Variants in DYSF observed in about 807,000 individuals in gnomAD.
DYSF encodes dysferlin, also known as dystrophy-associated fer-1-like 1.
DYSF carries 212 observed loss-of-function variants against 274.9 expected under a neutral mutation model. The observed-to-expected ratio is 0.77, with a 90% CI of 0.69 to 0.86. DYSF has a LOEUF of 0.86. DYSF is among the 40% of genes least tolerant of loss of function. DYSF has a pLI of 0.00. For missense variants in DYSF, 2,666 were observed against 2,783.2 expected (o/e 0.96, Z 0.95); for synonymous variants, 1,091 against 1,078.7 (o/e 1.01, Z -0.22).
chr2:71,601,436 A>G, intron 34 of DYSF, 63 bp from the exon 35 acceptor site: 1 of 1,604,650 alleles, frequency 6.2e-7, no homozygotes, highest in Non-Finnish European at 8.5e-7. Flanking sequence ...CATGAGTGTC[A>G]TGAGGGTGAT....
At chr2:71,467,651 G>A (rs2152645482) in intron 1 of DYSF, among the ~76,000 whole-genome samples, 1 of 152,220 alleles carries the variant, frequency 6.6e-6, no homozygotes, top group South Asian at 2.1e-4. Flanking sequence ...GGGTGTCTCA[G>A]GAGGGGAAAG....
intron 3 of DYSF, among the ~76,000 whole-genome samples, chr2:71,489,062 C>A (rs1017372174): frequency 1.2e-4 from 19 of 152,168 alleles, no homozygotes; most frequent in African/African-American, 4.6e-4. Context: ...CTAGCTGCAA[C>A]ACTCTGTGGC....
intron 24 of DYSF, among the ~76,000 whole-genome samples, chr2:71,565,249 T>C: frequency 7.0e-6 from 1 of 143,156 alleles, no homozygotes; most frequent in South Asian, 2.1e-4. Context: ...CCCAGCTCTT[T>C]TTTTTTTTTT....
intron 12 of DYSF, among the ~76,000 whole-genome samples, chr2:71,523,354 C>T (rs72827528): frequency 0.033 from 5,061 of 152,218 alleles, 109 homozygotes; most frequent in Non-Finnish European, 0.049. Flanking sequence ...CATCTAACTA[C>T]GAGGGAGCCT....
At chr2:71,629,575 C>T (rs1194835915) in intron 41 of DYSF, among the ~76,000 whole-genome samples, 1 of 152,142 alleles carries the variant, frequency 6.6e-6, no homozygotes, top group Non-Finnish European at 1.5e-5. Context: ...TTTACTTTTA[C>T]CAGATGTCTG....
chr2:71,539,382 C>T, intron 17 of DYSF, 143 bp downstream of exon 17: 1 of 742,282 alleles, frequency 1.3e-6, no homozygotes. Flanking sequence ...CTGAGAAGAG[C>T]TCTGGCAATG....
chr2:71,617,828 G>T (rs1256917494), intron 40 of DYSF, among the ~76,000 whole-genome samples: 1 of 129,054 alleles, frequency 7.7e-6, no homozygotes, highest in East Asian at 2.6e-4. Flanking sequence ...GGTAGAGGTG[G>T]GGTATAAGTG....
intron 45 of DYSF, among the ~76,000 whole-genome samples, chr2:71,661,116 CAA>C (rs55761719): frequency 0.016 from 1,410 of 85,916 alleles, 19 homozygotes; most frequent in African/African-American, 0.054. Flanking sequence ...AACCCTGTCT[CAA>C]AAAAAAAAAA....
chr2:71,580,029 ACCAGCAG>A (rs1410449954), intron 30 of DYSF, among the ~76,000 whole-genome samples: 1 of 152,204 alleles, frequency 6.6e-6, no homozygotes, highest in African/African-American at 2.4e-5. Context: ...GTGTCCCCTG[ACCAGCAG>A]CCAAACCCCA....
chr2:71,542,132 C>A (rs567100497), intron 17 of DYSF, among the ~76,000 whole-genome samples: 1 of 152,252 alleles, frequency 6.6e-6, no homozygotes, highest in South Asian at 2.1e-4. Flanking sequence ...CTCCAGTCTC[C>A]GTAAAATGGG....
chr2:71,505,048 G>A (rs1393856393), intron 4 of DYSF, among the ~76,000 whole-genome samples: 1 of 152,230 alleles, frequency 6.6e-6, no homozygotes, highest in Non-Finnish European at 1.5e-5. Flanking sequence ...GACCCTGCTG[G>A]GTTGAGCCCC....
rs116426399 is a variant in DYSF, at chr2:71,611,255, C to G, written c.3968C>G (p.Thr1323Arg). The G allele has an allele frequency of 6.2e-7, 1 of 1,613,572 alleles. No homozygotes were observed. The highest frequency in any genetic ancestry group is 8.5e-7 in the Non-Finnish European group (1 of 1,179,496). Residue 1323 changes from threonine (T) to arginine (R), a missense_variant, in exon 37 of 56, where the codon ACA (threonine) becomes AGA (arginine). Thr to Arg is a moderately conservative substitution (Grantham distance 71, BLOSUM62 -1). Coordinates refer to ENST00000410020, the MANE Select transcript of DYSF (RefSeq NM_001130987.2). ...TGCTGTCCACTGCAGTCTGAGGACA[C>G]AGACCTGCCCTACCCACCACCCCAG... is the stretch of plus-strand genomic sequence containing the variant. ...TSRILDESED[T>R]DLPYPPPQRE...
intron 46 of DYSF, 119 bp from the exon 47 acceptor site, chr2:71,665,043 C>T: frequency 1.3e-6 from 2 of 1,513,326 alleles, no homozygotes; most frequent in Non-Finnish European, 1.8e-6. Context: ...ATGGGACACC[C>T]ACTGTAAAAG....
chr2:71,620,745 C>G, intron 41 of DYSF, 136 bp downstream of exon 41: 1 of 875,258 alleles, frequency 1.1e-6, no homozygotes, highest in Non-Finnish European at 1.8e-6. Flanking sequence ...AGGGAAGTCA[C>G]CTATCTTTGC....
At chr2:71,465,726 G>A (rs1446098658), upstream of DYSF, among the ~76,000 whole-genome samples, 1 of 152,226 alleles carries the variant, frequency 6.6e-6, no homozygotes, top group Non-Finnish European at 1.5e-5. Flanking sequence ...GAGGACTTGG[G>A]CGGTGGGAAG....
intron 48 of DYSF, 40 bp downstream of exon 48, chr2:71,667,555 C>T (rs768825276): frequency 6.2e-7 from 1 of 1,612,658 alleles, no homozygotes; most frequent in Non-Finnish European, 8.5e-7. Flanking sequence ...CCTCGAACTC[C>T]AGAAAGCCCC....
chr2:71,585,779 C>T (rs952283115), intron 30 of DYSF, among the ~76,000 whole-genome samples: 1 of 152,100 alleles, frequency 6.6e-6, no homozygotes, highest in Non-Finnish European at 1.5e-5. Flanking sequence ...GCACGCTGGG[C>T]ACCTGGCTGG....
chr2:71,513,640 C>G, intron 6 of DYSF, 76 bp from the exon 7 acceptor site: 1 of 1,508,144 alleles, frequency 6.6e-7, no homozygotes, highest in East Asian at 2.3e-5. Flanking sequence ...CTTCTGCCCC[C>G]TGGGCTGGGT....
rs1287172546 is a variant in DYSF at position 71,611,295 on chromosome 2, C to T, written c.4008C>T (p.Ile1336=). 5 of 1,613,918 alleles carry T rather than the reference C, an allele frequency of 3.1e-6. No individual in the cohort carries two copies. Among genetic ancestry groups the T allele is most frequent in the Non-Finnish European group, 2.5e-6 (3 of 1,179,916 alleles). ...PYPPPQREAN[I]YMVPQNIKPA... is the part of the protein sequence containing the mutation. ...CACCACCCCAGAGGGAGGCCAACATCTACATGGTTCCTCAGAACATCAAGC... is the reference window on the plus strand; with the variant it reads ...CACCACCCCAGAGGGAGGCCAACATTTACATGGTTCCTCAGAACATCAAGC... Residue 1336 remains isoleucine, a synonymous_variant, in exon 37 of 56, where the codon ATC becomes ATT. Transcript: ENST00000410020.
Sources: allele counts gnomAD v4.1 joint callset (sites outside exome capture counted in the v4.1 genomes callset), GRCh38; gene constraint gnomAD v4.1.1; transcripts MANE v1.5; gene names NCBI Gene and HGNC (gene_info 2026-07-23, HGNC 2026-07-21).